Variants in ITGA8 observed in about 807,000 individuals in gnomAD.
The protein encoded by ITGA8 is integrin alpha-8.
A neutral mutation model predicts 142.3 loss-of-function variants in ITGA8; 91 were observed. The ratio of observed to expected loss-of-function variants is 0.64; its 90% CI spans 0.54 to 0.76. ITGA8 has a LOEUF of 0.76. Among genes scored for constraint, ITGA8 ranks in the 30% least tolerant of loss-of-function variants. The probability of loss-of-function intolerance (pLI) is 0.00; values close to 1 mark genes in which losing one functional copy is unlikely to be tolerated. For missense variants in ITGA8, 1,406 were observed against 1,327.7 expected (o/e 1.06, Z -0.92); for synonymous variants, 505 against 485.2 (o/e 1.04, Z -0.54).
At chr10:15,531,817 C>T (rs1833302918) in intron 27 of ITGA8, among the ~76,000 whole-genome samples, 2 of 151,664 alleles carry the variant, frequency 1.3e-5, no homozygotes, top group South Asian at 2.1e-4. Flanking sequence ...TAGTGGCAAG[C>T]GCCTGTAATC....
At chr10:15,622,056 G>A (rs964377178) in intron 13 of ITGA8, among the ~76,000 whole-genome samples, 1 of 152,208 alleles carries the variant, frequency 6.6e-6, no homozygotes, top group Non-Finnish European at 1.5e-5. Flanking sequence ...TACTTGGGAG[G>A]TGGAGGCAGG....
At chr10:15,693,561 C>A (rs1834972961) in intron 2 of ITGA8, among the ~76,000 whole-genome samples, 1 of 152,158 alleles carries the variant, frequency 6.6e-6, no homozygotes, top group Non-Finnish European at 1.5e-5. Flanking sequence ...AGAATTACAG[C>A]ATCTTACAGT....
At chr10:15,671,451 A>G (rs1284453801) in intron 8 of ITGA8, 152 bp downstream of exon 8, 1 of 591,018 alleles carries the variant, frequency 1.7e-6, no homozygotes, top group Non-Finnish European at 3.0e-6. Flanking sequence ...GCTGTATCAA[A>G]GTATTTTTTC....
chr10:15,518,142 T>C (rs1259440873), intron 29 of ITGA8, among the ~76,000 whole-genome samples: 1 of 152,192 alleles, frequency 6.6e-6, no homozygotes, highest in Non-Finnish European at 1.5e-5. Context: ...GACTCTAGGA[T>C]TTTCCTCCTC....
intron 27 of ITGA8, among the ~76,000 whole-genome samples, chr10:15,545,162 G>A (rs1439376281): frequency 6.6e-6 from 1 of 152,212 alleles, no homozygotes; most frequent in Non-Finnish European, 1.5e-5. Flanking sequence ...ACAGGGTTCA[G>A]AACAGAACTC....
intron 26 of ITGA8, among the ~76,000 whole-genome samples, chr10:15,552,887 C>T (rs1833816427): frequency 6.6e-6 from 1 of 152,202 alleles, no homozygotes; most frequent in South Asian, 2.1e-4. Context: ...ACATGCAGAG[C>T]TTTATTAATT....
chr10:15,715,093 T>C (rs1448100709), intron 2 of ITGA8, among the ~76,000 whole-genome samples: 1 of 152,152 alleles, frequency 6.6e-6, no homozygotes, highest in African/African-American at 2.4e-5. Context: ...AGAACTTTTC[T>C]TCCTTTTTTT....
chr10:15,572,410 G>A, intron 24 of ITGA8, 41 bp from the exon 25 acceptor site: 1 of 1,592,208 alleles, frequency 6.3e-7, no homozygotes, highest in East Asian at 2.2e-5. Context: ...CCAGCAGAAG[G>A]CAGAGAGATA....
intron 23 of ITGA8, among the ~76,000 whole-genome samples, chr10:15,577,264 A>G (rs1834316274): frequency 6.6e-6 from 1 of 152,200 alleles, no homozygotes; most frequent in South Asian, 2.1e-4. Context: ...TAAATTCCCT[A>G]GGATCATAGA....
At chr10:15,675,843 G>A (rs75131982) in intron 6 of ITGA8, among the ~76,000 whole-genome samples, 12,235 of 152,214 alleles carry the variant, frequency 0.08, 689 homozygotes, top group Non-Finnish European at 0.11. Context: ...AGCCTTCAAT[G>A]TGAAACCTGA....
chr10:15,535,422 C>G (rs1274177860), intron 27 of ITGA8, among the ~76,000 whole-genome samples: 1 of 152,206 alleles, frequency 6.6e-6, no homozygotes, highest in Non-Finnish European at 1.5e-5. Context: ...ACTTGGAGAA[C>G]CTTTATGTCT....
intron 28 of ITGA8, among the ~76,000 whole-genome samples, chr10:15,520,781 C>T (rs1323356232): frequency 6.6e-6 from 1 of 152,336 alleles, no homozygotes; most frequent in East Asian, 1.9e-4. Flanking sequence ...CTCAGCTGGT[C>T]TAAGGTCTCC....
chr10:15,565,003 C>T (rs1834053316), intron 25 of ITGA8, among the ~76,000 whole-genome samples: 1 of 152,202 alleles, frequency 6.6e-6, no homozygotes, highest in Non-Finnish European at 1.5e-5. Flanking sequence ...AAAGAATCTA[C>T]TCACTCCACT....
intron 27 of ITGA8, among the ~76,000 whole-genome samples, chr10:15,536,830 G>A (rs1833448450): frequency 1.3e-5 from 2 of 152,170 alleles, no homozygotes; most frequent in African/African-American, 4.8e-5. Flanking sequence ...AAGTGAGTTG[G>A]TAACAAACGG....
At chr10:15,672,814 C>A (rs895934920) in intron 6 of ITGA8, 65 bp from the exon 7 acceptor site, 6 of 1,439,720 alleles carry the variant, frequency 4.2e-6, no homozygotes, top group Non-Finnish European at 5.5e-6. Flanking sequence ...CATGAGCAGA[C>A]CCACATTCCC....
At position 15,678,719 on chromosome 10, in the gene ITGA8, C is replaced by T; in HGVS notation, c.630+3G>A. 6.2e-7 allele frequency: 1 copy of T among 1,604,722 alleles called. No individual in the cohort carries two copies. Among genetic ancestry groups the T allele is most frequent in the African/African-American group, 1.3e-5 (1 of 74,822 alleles). ...TAGGAACTGCGAGACCAAAATAATT[C>T]ACCTTATAAAAATCCAGACTAAATC... On this transcript the variant is annotated splice_donor_region_variant and intron_variant, in intron 5 of 29. Transcript: ENST00000378076.
intron 5 of ITGA8, 112 bp from the exon 6 acceptor site, chr10:15,677,749 A>G (rs1021680749): frequency 4.1e-6 from 4 of 965,602 alleles, no homozygotes; most frequent in Admixed American, 4.9e-5. Flanking sequence ...TGTTACACAT[A>G]AAAAGCAATT....
At chr10:15,617,554 A>G (rs1215756476) in intron 13 of ITGA8, among the ~76,000 whole-genome samples, 1 of 152,076 alleles carries the variant, frequency 6.6e-6, no homozygotes, top group African/African-American at 2.4e-5. Flanking sequence ...ACCTGCCACA[A>G]CGCCTGGCTG....
chr10:15,581,276 G>A (rs1219033107), intron 23 of ITGA8, among the ~76,000 whole-genome samples: 1 of 152,166 alleles, frequency 6.6e-6, no homozygotes, highest in African/African-American at 2.4e-5. Context: ...TGACCACTGA[G>A]GCTTGGGTGA....
Sources: allele counts gnomAD v4.1 joint callset (sites outside exome capture counted in the v4.1 genomes callset), GRCh38; gene constraint gnomAD v4.1.1; transcripts MANE v1.5; gene names NCBI Gene and HGNC (gene_info 2026-07-23, HGNC 2026-07-21).